LRRIQ3: variants seen among roughly 807,000 people sequenced by gnomAD.
LRRIQ3 encodes leucine-rich repeat and IQ domain-containing protein 3.
In LRRIQ3, 75 loss-of-function variants were observed where a neutral mutation model predicts 59.3. That is an observed-to-expected ratio of 1.26 (90% CI 1.05 to 1.53). The LOEUF (loss-of-function observed/expected upper bound fraction) is 1.53, where lower values mean the gene tolerates loss of function less well. Ranked by LOEUF, LRRIQ3 falls within the 40% of genes most tolerant of loss-of-function variation. LRRIQ3 has a pLI of 0.00. For missense variants in LRRIQ3, 831 were observed against 710.0 expected, an observed-to-expected ratio of 1.17 and a Z score of -1.94; for synonymous variants, 250 against 231.3, an observed-to-expected ratio of 1.08 and a Z score of -0.73.
chr1:74,031,089 G>A (rs1478741908), intron 7 of LRRIQ3, among the ~76,000 whole-genome samples: 6 of 151,974 alleles, frequency 3.9e-5, no homozygotes, highest in East Asian at 1.9e-4. Context: ...TTAGAATGGC[G>A]ATCATTAAAA....
chr1:74,185,914 A>G (rs1243731195), intron 1 of LRRIQ3, among the ~76,000 whole-genome samples: 1 of 150,766 alleles, frequency 6.6e-6, no homozygotes, highest in Non-Finnish European at 1.5e-5. Flanking sequence ...CTACGTCTCA[A>G]AAAAAAAAGT....
At chr1:74,029,005 G>A (rs1247708258) in intron 7 of LRRIQ3, among the ~76,000 whole-genome samples, 1 of 151,944 alleles carries the variant, frequency 6.6e-6, no homozygotes, top group African/African-American at 2.4e-5. Context: ...TATAAGCTGT[G>A]AAGAAAATGT....
chr1:74,031,242 C>T (rs1653700764), intron 7 of LRRIQ3, among the ~76,000 whole-genome samples: 2 of 152,128 alleles, frequency 1.3e-5, no homozygotes, highest in African/African-American at 2.4e-5. Flanking sequence ...TACCATTTGA[C>T]CCAGCCATCC....
intron 4 of LRRIQ3, among the ~76,000 whole-genome samples, chr1:74,121,587 GT>G (rs1251869265): frequency 6.6e-6 from 1 of 151,554 alleles, no homozygotes; most frequent in African/African-American, 2.4e-5. Flanking sequence ...TTACTTTTCT[GT>G]TTTTTTAATT....
chr1:74,155,646 T>A, intron 4 of LRRIQ3, 87 bp downstream of exon 4: 1 of 1,292,924 alleles, frequency 7.7e-7, no homozygotes, highest in Non-Finnish European at 1.1e-6. Flanking sequence ...AATACAAAAA[T>A]GCAAATTATT....
At chr1:74,124,716 A>C (rs771765873) in intron 4 of LRRIQ3, among the ~76,000 whole-genome samples, 13 of 151,848 alleles carry the variant, frequency 8.6e-5, no homozygotes, top group Non-Finnish European at 1.5e-4. Flanking sequence ...CCATTGTTCT[A>C]TATGTCTGTT....
intron 5 of LRRIQ3, among the ~76,000 whole-genome samples, chr1:74,097,158 C>G (rs866658936): frequency 1.3e-5 from 2 of 152,078 alleles, no homozygotes; most frequent in South Asian, 2.1e-4. Flanking sequence ...AGCTAAAATC[C>G]TTGAAAAAAG....
chr1:74,163,552 A>G (rs1458371150), intron 3 of LRRIQ3, among the ~76,000 whole-genome samples: 1 of 151,660 alleles, frequency 6.6e-6, no homozygotes, highest in Non-Finnish European at 1.5e-5. Flanking sequence ...GCATTATTCT[A>G]TGGACATTCA....
intron 1 of LRRIQ3, among the ~76,000 whole-genome samples, chr1:74,186,264 C>T (rs1199977334): frequency 6.6e-6 from 1 of 151,860 alleles, no homozygotes; most frequent in Non-Finnish European, 1.5e-5. Context: ...GATTCATCCA[C>T]CAGGAATAAT....
chr1:74,026,737 G>T lies in LRRIQ3; in HGVS notation c.*76C>A. On this transcript the variant is annotated 3_prime_UTR_variant, in exon 8 of 8. Coordinates refer to ENST00000354431, the MANE Select transcript of LRRIQ3 (RefSeq NM_001105659.2). The stretch of plus-strand genomic sequence containing the variant: ...GATGTAGAGTATTTCTTGCTTTAGA[G>T]TATTATTTCAAATTCCTTCAACTAA... 8.5e-7 allele frequency: 1 copy of T among 1,178,432 alleles called. No homozygotes were observed. Among genetic ancestry groups the T allele is most frequent in the South Asian group, 1.4e-5 (1 of 69,418 alleles). 73.0% of individuals were successfully genotyped at this position (1,178,432 alleles called of 1,614,324 possible). A position where few individuals can be genotyped will look rare whatever the true frequency, so the allele number is the denominator to read the frequency against.
At chr1:74,191,568 A>T (rs1263738983) in intron 1 of LRRIQ3, among the ~76,000 whole-genome samples, 1 of 152,090 alleles carries the variant, frequency 6.6e-6, no homozygotes, top group African/African-American at 2.4e-5. Context: ...ATCAAATTCA[A>T]AAGAACAGAA....
chr1:74,151,376 A>G (rs1005673983), intron 4 of LRRIQ3, among the ~76,000 whole-genome samples: 9 of 152,126 alleles, frequency 5.9e-5, no homozygotes, highest in African/African-American at 1.9e-4. Flanking sequence ...CTTCATAGAA[A>G]CAAACATAAC....
intron 4 of LRRIQ3, among the ~76,000 whole-genome samples, chr1:74,130,547 G>T (rs1377799512): frequency 6.6e-6 from 1 of 152,078 alleles, no homozygotes; most frequent in African/African-American, 2.4e-5. Context: ...CTCCTTCATT[G>T]ATATGAAGAT....
chr1:74,031,106 G>A (rs1172587661), intron 7 of LRRIQ3, among the ~76,000 whole-genome samples: 5 of 152,120 alleles, frequency 3.3e-5, no homozygotes, highest in Non-Finnish European at 7.4e-5. Context: ...AAAAAGTCAG[G>A]AAACAACAGG....
At chr1:74,153,471 A>T (rs938182332) in intron 4 of LRRIQ3, among the ~76,000 whole-genome samples, 1 of 152,162 alleles carries the variant, frequency 6.6e-6, no homozygotes, top group Non-Finnish European at 1.5e-5. Context: ...GGAGCTCTTC[A>T]TATTTCCTAA....
At chr1:74,164,184 T>C (rs1006107260) in intron 3 of LRRIQ3, among the ~76,000 whole-genome samples, 3 of 151,380 alleles carry the variant, frequency 2.0e-5, no homozygotes, top group African/African-American at 4.8e-5. Flanking sequence ...CTAGTCTTTT[T>C]TCAGATACAG....
intron 3 of LRRIQ3, among the ~76,000 whole-genome samples, chr1:74,164,528 A>G (rs978651575): frequency 1.3e-5 from 2 of 151,502 alleles, no homozygotes; most frequent in African/African-American, 2.4e-5. Context: ...TTTCTCTTTA[A>G]GCTACCTAGT....
Position 74,041,244 on chromosome 1 carries a change from T to C in LRRIQ3, c.1687A>G (p.Lys563Glu), listed in dbSNP as rs1464370071. Residue 563 changes from lysine (K) to glutamate (E), a missense_variant, in exon 7 of 8, where the codon AAG (lysine) becomes GAG (glutamate). By Grantham distance (56) the Lys-to-Glu change is moderately conservative. Transcript: ENST00000354431. ...TTTTTCATTTCTTTAAGTAAATTCT[T>C]TCTATATTTTTCTGCTTTTAGTTTT... The part of the protein sequence containing the change: ...KQKLKAEKYR[K>E]NLLKEMKKVR... The C allele has an allele frequency of 1.3e-6, 2 of 1,587,252 alleles. No homozygotes were observed. The highest frequency in any genetic ancestry group is 2.3e-5 in the South Asian group (2 of 85,162).
intron 4 of LRRIQ3, among the ~76,000 whole-genome samples, chr1:74,111,376 T>C (rs756298686): frequency 3.3e-5 from 5 of 151,796 alleles, no homozygotes; most frequent in Non-Finnish European, 7.4e-5. Context: ...AGAAAAAAAA[T>C]TCCAGTCAGA....
Sources: allele counts gnomAD v4.1 joint callset (sites outside exome capture counted in the v4.1 genomes callset), GRCh38; gene constraint gnomAD v4.1.1; transcripts MANE v1.5; gene names NCBI Gene and HGNC (gene_info 2026-07-23, HGNC 2026-07-21).